Variants in AIFM2 observed in about 807,000 individuals in gnomAD.
AIFM2 encodes AIF family member 2, ferroptosis suppressor.
Under a neutral mutation model 35.7 loss-of-function variants are expected in AIFM2, and 38 were observed. That is an observed-to-expected ratio of 1.06 (90% CI 0.82 to 1.39). AIFM2 has a LOEUF of 1.39. AIFM2 is among the 40% of genes most tolerant of loss of function. The pLI is 0.00. For synonymous variants in AIFM2, 185 were observed against 203.5 expected (o/e 0.91, Z 0.77); for missense variants, 476 against 491.2 (o/e 0.97, Z 0.29).
Position 70,122,179 on chromosome 10 carries a change from T to G in AIFM2, c.295-968A>C, listed in dbSNP as rs940596246. On this transcript the variant is annotated intron_variant, in intron 3 of 8. Transcript: ENST00000307864. ...TGTTTGGAGCCTAAATATATAAAGTTGACAAAAACAGAGCTGCTCCAATGG... is the reference window on the plus strand; with the variant it reads ...TGTTTGGAGCCTAAATATATAAAGTGGACAAAAACAGAGCTGCTCCAATGG... Among the ~76,000 whole-genome samples the G allele has an allele frequency of 5.9e-5, 9 of 152,092 alleles. 1 individual carries two copies. The highest frequency in any genetic ancestry group is 5.9e-4 in the Admixed American group (9 of 15,262).
chr10:70,127,625 A>C (rs1425256389), intron 1 of AIFM2, among the ~76,000 whole-genome samples: 3 of 152,166 alleles, frequency 2.0e-5, no homozygotes, highest in Non-Finnish European at 4.4e-5. Flanking sequence ...CCAGGGAAAG[A>C]AAGTCTAGTG....
intron 1 of AIFM2, among the ~76,000 whole-genome samples, chr10:70,132,158 G>A (rs1335744323): frequency 1.3e-5 from 2 of 152,214 alleles, no homozygotes; most frequent in African/African-American, 2.4e-5. Flanking sequence ...TCCCATCAGA[G>A]TTAGTTTACT....
At chr10:70,115,681 G>A (rs553383604) in intron 7 of AIFM2, among the ~76,000 whole-genome samples, 2 of 152,134 alleles carry the variant, frequency 1.3e-5, no homozygotes, top group Middle Eastern at 3.2e-3. Context: ...CACAAGAGTC[G>A]CTTGAACCCA....
At chr10:70,129,978 G>A (rs1246742037) in intron 1 of AIFM2, among the ~76,000 whole-genome samples, 4 of 152,004 alleles carry the variant, frequency 2.6e-5, no homozygotes, top group Non-Finnish European at 5.9e-5. Flanking sequence ...GAGCTCCGGA[G>A]TTCCAGACCA....
rs2072641774 is a variant in AIFM2 at position 70,132,771 on chromosome 10, G to GCTCCCT, written c.-52_-51insAGGGAG. 1 of 138,012 alleles carries GCTCCCT rather than the reference G, an allele frequency of 7.2e-6. No individual in the cohort carries two copies. Among genetic ancestry groups the GCTCCCT allele is most frequent in the African/African-American group, 3.1e-5 (1 of 32,438 alleles). 8.5% of individuals were successfully genotyped at this position (138,012 alleles called of 1,614,324 possible). ...CCCGCGCGCTCTCGCTCCGGCTCCC[G>GCTCCCT]CTCCCGCTCCCGCTCCCGCTTGGTC... On this transcript the variant is annotated 5_prime_UTR_variant, in exon 1 of 9. Transcript: ENST00000307864.
intron 8 of AIFM2, 124 bp downstream of exon 8, chr10:70,114,796 G>A (rs1206016891): frequency 1.1e-5 from 13 of 1,211,242 alleles, no homozygotes; most frequent in Non-Finnish European, 1.4e-5. Flanking sequence ...GCTCTAAGGG[G>A]ATGTTTCCAT....
At chr10:70,121,264 G>A in intron 3 of AIFM2, 53 bp from the exon 4 acceptor site, 2 of 1,462,782 alleles carry the variant, frequency 1.4e-6, no homozygotes, top group Non-Finnish European at 1.8e-6. Flanking sequence ...ATGAGGGTAG[G>A]GCAGGGCAGG....
Position 70,117,704 on chromosome 10 carries a change from G to T in AIFM2, c.616+108C>A. ...CCCAGGACACAGTGGAAAAGAGAGA[G>T]CCTGGGGTGGACCATAGCCACCCTC... is the stretch of plus-strand genomic sequence containing the variant. On this transcript the variant is annotated intron_variant, in intron 6 of 8. Coordinates refer to ENST00000307864, the MANE Select transcript of AIFM2 (RefSeq NM_032797.6). This position sits in a 1 kb window ranked among gnomAD's most constrained non-coding sequence, Gnocchi z 4.7. 1 of 838,780 alleles carries T rather than the reference G, an allele frequency of 1.2e-6. No individual in the cohort carries two copies. The allele number at this position is 838,780 out of a possible 1,614,324, so 52.0% of individuals were successfully genotyped here.
rs575740410 is a variant in AIFM2, at chr10:70,117,145, G to A, written c.617-371C>T. On this transcript the variant is annotated intron_variant, in intron 6 of 8. Transcript: ENST00000307864. The surrounding 1 kb of genome is among the most constrained non-coding windows in gnomAD (Gnocchi z 4.7). Reference sequence around the variant, plus strand: ...GCTCCAAGTGCACCACGACAAAGGGGAAAGCCAGAGAAAGAGAAGCCAGCT... The same window carrying A: ...GCTCCAAGTGCACCACGACAAAGGGAAAAGCCAGAGAAAGAGAAGCCAGCT... 5.3e-4 allele frequency among the ~76,000 whole-genome samples: 81 copies of A among 152,312 alleles called. No homozygotes were observed. The highest frequency in any genetic ancestry group is 1.2e-3 in the Admixed American group (18 of 15,298).
In AIFM2 at chr10:70,120,836, C is replaced by T. The variant is rs79922754; in HGVS notation, c.415-237G>A. On this transcript the variant is annotated intron_variant, in intron 4 of 8. Coordinates refer to ENST00000307864, the MANE Select transcript of AIFM2 (RefSeq NM_032797.6). ...TATGAAAACAGGAGTGGAAGGGACC[C>T]GTGAAAAGCCCCAGGAGAGGAAAGT... 1.2e-3 allele frequency among the ~76,000 whole-genome samples: 176 copies of T among 151,350 alleles called. No individual in the cohort carries two copies. The Middle Eastern group carries it at 0.017, about 15-fold the overall frequency.
chr10:70,126,753 C>G (rs762711456), intron 1 of AIFM2, among the ~76,000 whole-genome samples: 1 of 152,212 alleles, frequency 6.6e-6, no homozygotes, highest in Non-Finnish European at 1.5e-5. Context: ...TGCCTAACTT[C>G]TCCCCTGGGG....
rs1053055944 is a variant in AIFM2 at position 70,116,751 on chromosome 10, C to T, written c.640G>A (p.Glu214Lys). 1 of 1,614,162 alleles carries T rather than the reference C, an allele frequency of 6.2e-7. No individual in the cohort carries two copies. The highest frequency in any genetic ancestry group is 1.7e-5 in the Admixed American group (1 of 60,022). Residue 214 changes from glutamate to lysine, a missense_variant, in exon 7 of 9, where the codon GAG (glutamate) becomes AAG (lysine). Physicochemically the swap from Glu to Lys is moderately conservative, Grantham distance 56 (BLOSUM62 1). Coordinates refer to ENST00000307864, the MANE Select transcript of AIFM2 (RefSeq NM_032797.6). The stretch of plus-strand genomic sequence containing the variant: ...TCTCGATACTCATTGAGAGGCAGCT[C>T]CTCCAGATTGCTCACCCGCTCACCT... ...LLSERVSNLE[E>K]LPLNEYREYI... is the part of the protein sequence containing the mutation.
intron 5 of AIFM2, 143 bp from the exon 6 acceptor site, chr10:70,118,063 A>G (rs2072458340): frequency 1.6e-6 from 1 of 629,712 alleles, no homozygotes; most frequent in Non-Finnish European, 2.8e-6. Context: ...GTCCAATGCC[A>G]GGACCAATTA....
rs147089234 is a variant in AIFM2 at position 70,117,863 on chromosome 10, G to C, written c.565C>G (p.Arg189Gly). The C allele has an allele frequency of 6.2e-7, 1 of 1,605,226 alleles. No individual in the cohort carries two copies. Among genetic ancestry groups the C allele is most frequent in the Non-Finnish European group, 8.5e-7 (1 of 1,176,764 alleles). The change falls in exon 6 of 9, where the codon CGG becomes GGG. Residue 189 changes from arginine (R) to glycine (G), a missense_variant. Coordinates refer to ENST00000307864, the MANE Select transcript of AIFM2 (RefSeq NM_032797.6). The surrounding 1 kb of genome is among the most constrained non-coding windows in gnomAD (Gnocchi z 4.7). Reference protein sequence around the residue: ...LADKELLPSVRQEVKEILLRK... With the variant: ...LADKELLPSVGQEVKEILLRK... ...AGGAGGATCTCCTTCACTTCCTGCC[G>C]GACGGAGGGCAGGAGCTCCTTGTCA...
At chr10:70,116,832 AC>A (rs2072442271) in intron 6 of AIFM2, 58 bp from the exon 7 acceptor site, 1 of 1,598,714 alleles carries the variant, frequency 6.3e-7, no homozygotes, top group Admixed American at 1.7e-5. Context: ...TCAAGCCTGG[AC>A]CCCAGGCCAA....
intron 3 of AIFM2, 126 bp from the exon 4 acceptor site, chr10:70,121,337 C>A: frequency 7.3e-7 from 1 of 1,376,950 alleles, no homozygotes; most frequent in Non-Finnish European, 9.4e-7. Flanking sequence ...GGCAAAGAGG[C>A]CCCTCTAGGC....
At chr10:70,116,113 G>C (rs1242568510) in intron 7 of AIFM2, among the ~76,000 whole-genome samples, 1 of 152,144 alleles carries the variant, frequency 6.6e-6, no homozygotes, top group Admixed American at 6.5e-5. Flanking sequence ...CACAAATGGA[G>C]GCTTAAACAC....
intron 1 of AIFM2, among the ~76,000 whole-genome samples, chr10:70,129,183 T>TG (rs981304415): frequency 2.0e-5 from 3 of 151,008 alleles, no homozygotes; most frequent in African/African-American, 4.9e-5. Flanking sequence ...AGGCTGATCT[T>TG]GAACTCCTAG....
At chr10:70,125,764 C>A (rs1479880892) in intron 1 of AIFM2, among the ~76,000 whole-genome samples, 1 of 152,206 alleles carries the variant, frequency 6.6e-6, no homozygotes. Flanking sequence ...AACCACTGCA[C>A]CCAGTCCCCA....
Sources: allele counts gnomAD v4.1 joint callset (sites outside exome capture counted in the v4.1 genomes callset), GRCh38; gene constraint gnomAD v4.1.1; non-coding constraint Gnocchi (gnomAD v3.1); transcripts MANE v1.5; gene names NCBI Gene and HGNC (gene_info 2026-07-23, HGNC 2026-07-21).